The following RALGPS1 variants were observed in gnomAD, a reference collection of about 807,000 sequenced individuals.
RALGPS1 encodes ras-specific guanine nucleotide-releasing factor RalGPS1.
Under a neutral mutation model 78.8 loss-of-function variants are expected in RALGPS1, and 19 were observed. The observed-to-expected ratio is 0.24, with a 90% CI of 0.17 to 0.35. The LOEUF (loss-of-function observed/expected upper bound fraction) is 0.35. Among genes scored for constraint, RALGPS1 ranks in the 10% least tolerant of loss-of-function variants. The probability of loss-of-function intolerance (pLI) is 1.00; values close to 1 mark genes in which losing one functional copy is unlikely to be tolerated. For missense variants in RALGPS1, 454 were observed against 688.3 expected, an observed-to-expected ratio of 0.66 and a Z score of 3.81; for synonymous variants, 228 against 256.3, an observed-to-expected ratio of 0.89 and a Z score of 1.06.
intron 8 of RALGPS1, among the ~76,000 whole-genome samples, chr9:127,148,876 A>AACACGT (rs1212277245): frequency 6.6e-6 from 1 of 152,136 alleles, no homozygotes; most frequent in African/African-American, 2.4e-5. Context: ...GCGGAGGGAG[A>AACACGT]ACACGTTGGA....
intron 1 of RALGPS1, among the ~76,000 whole-genome samples, chr9:126,919,353 A>G (rs1056658245): frequency 3.9e-5 from 6 of 152,246 alleles, no homozygotes; most frequent in African/African-American, 9.6e-5. Flanking sequence ...GTCCTAGGAA[A>G]AAAAGTGGCC....
At position 127,049,856 on chromosome 9, in the gene RALGPS1, G is replaced by A. The variant is rs535713381; in HGVS notation, c.301-187G>A. On this transcript the variant is annotated intron_variant, in intron 5 of 18. Coordinates refer to ENST00000259351, the MANE Select transcript of RALGPS1 (RefSeq NM_014636.3). The stretch of plus-strand genomic sequence containing the variant: ...ACTGGAGACAGGGTGCTGAGAACAC[G>A]GCCCATTTGCAGGGTTGGGTGCTGT... Among the ~76,000 whole-genome samples the A allele has an allele frequency of 4.8e-4, 73 of 152,244 alleles. 1 individual carries two copies. The South Asian group carries it at 0.014, about 29-fold the overall frequency.
At chr9:126,976,571 A>T (rs1315128002) in intron 3 of RALGPS1, among the ~76,000 whole-genome samples, 2 of 152,094 alleles carry the variant, frequency 1.3e-5, no homozygotes, top group African/African-American at 4.8e-5. Context: ...CATTTTCTAG[A>T]TGTGGTACCT....
chr9:127,001,314 C>A (rs1219947321), intron 4 of RALGPS1, among the ~76,000 whole-genome samples: 1 of 151,284 alleles, frequency 6.6e-6, no homozygotes, highest in Non-Finnish European at 1.5e-5. Context: ...TAAGTTCACA[C>A]TATTTTTTGT....
intron 8 of RALGPS1, among the ~76,000 whole-genome samples, chr9:127,076,349 C>G (rs1371083189): frequency 6.6e-6 from 1 of 152,074 alleles, no homozygotes; most frequent in Non-Finnish European, 1.5e-5. Context: ...TAAAAGTAAC[C>G]ATAGCAGTGT....
chr9:127,196,470 C>G lies in RALGPS1; in HGVS notation c.1038-4C>G. 6.2e-7 allele frequency: 1 copy of G among 1,608,620 alleles called. No homozygotes were observed. The highest frequency in any genetic ancestry group is 8.5e-7 in the Non-Finnish European group (1 of 1,176,992). On this transcript the variant is annotated splice_polypyrimidine_tract_variant and splice_region_variant and intron_variant, in intron 12 of 18. Transcript: ENST00000259351. ...TGCCTTCTTTCTTCCTTTCCATTTT[C>G]CAGTATGATGTGTCAGTTGAGTGTA...
intron 1 of RALGPS1, among the ~76,000 whole-genome samples, chr9:126,943,613 C>T (rs139802629): frequency 5.0e-4 from 76 of 152,314 alleles, no homozygotes; most frequent in Admixed American, 1.4e-3. Context: ...GCAGTGCTCT[C>T]CGTGGAATGT....
chr9:127,066,548 C>T (rs2787589), intron 7 of RALGPS1, among the ~76,000 whole-genome samples: 1 of 151,898 alleles, frequency 6.6e-6, no homozygotes, highest in Admixed American at 6.6e-5. Flanking sequence ...GGCTGAGACA[C>T]GATAATTGCT....
rs1033910409 is a variant in RALGPS1, at chr9:127,122,640, C to T, written c.611-43429C>T. 1 of 152,780 alleles carries T rather than the reference C, an allele frequency of 6.5e-6. No individual in the cohort carries two copies. The highest frequency in any genetic ancestry group is 1.5e-5 in the Non-Finnish European group (1 of 68,498). The allele number at this position is 152,780 out of a possible 1,614,324, so 9.5% of individuals were successfully genotyped here. A position where few individuals can be genotyped will look rare whatever the true frequency, so the allele number is the denominator to read the frequency against. On this transcript the variant is annotated intron_variant, in intron 8 of 18. Coordinates refer to ENST00000259351, the MANE Select transcript of RALGPS1 (RefSeq NM_014636.3). The surrounding 1 kb of genome is among the most constrained non-coding windows in gnomAD (Gnocchi z 6.4). Reference sequence around the variant, plus strand: ...CGTCCGCAGCAGCCTCATTTGAACTCCCAACTCCTTTGTGGAGCCTTTACA... The same window carrying T: ...CGTCCGCAGCAGCCTCATTTGAACTTCCAACTCCTTTGTGGAGCCTTTACA...
intron 8 of RALGPS1, among the ~76,000 whole-genome samples, chr9:127,137,258 C>T (rs1182604035): frequency 6.6e-6 from 1 of 152,186 alleles, no homozygotes; most frequent in African/African-American, 2.4e-5. Context: ...TGTATCCTGT[C>T]CCTCCACCCT....
chr9:127,221,812 A>T lies in RALGPS1; in HGVS notation c.*3043A>T, dbSNP rs1237506168. ...AGCCCCAAGAGGTGTACCTTTTCAG[A>T]TGCCATTTTACAGGCGGAAATGCTC... On this transcript the variant is annotated 3_prime_UTR_variant, in exon 19 of 19. Transcript: ENST00000259351. The T allele has an allele frequency of 6.6e-6, 1 of 152,246 alleles. No homozygotes were observed. Among genetic ancestry groups the T allele is most frequent in the Non-Finnish European group, 1.5e-5 (1 of 68,012 alleles). The allele number at this position is 152,246 out of a possible 1,614,324, so 9.4% of individuals were successfully genotyped here.
chr9:127,181,295 C>G (rs1467113690), intron 11 of RALGPS1, among the ~76,000 whole-genome samples: 4 of 152,244 alleles, frequency 2.6e-5, no homozygotes, highest in African/African-American at 9.6e-5. Context: ...AGCCTGTACT[C>G]TCTGCCAAGC....
intron 8 of RALGPS1, among the ~76,000 whole-genome samples, chr9:127,161,030 C>T (rs1207715087): frequency 6.6e-6 from 1 of 152,248 alleles, no homozygotes; most frequent in African/African-American, 2.4e-5. Flanking sequence ...CCAAGGCAGC[C>T]AGGGCCAATG....
At chr9:127,133,675 A>T (rs537609532) in intron 8 of RALGPS1, among the ~76,000 whole-genome samples, 1 of 152,294 alleles carries the variant, frequency 6.6e-6, no homozygotes, top group African/African-American at 2.4e-5. Context: ...CCAACACCTC[A>T]AAATCCACCC....
At chr9:126,962,796 T>G (rs1022748825) in intron 2 of RALGPS1, among the ~76,000 whole-genome samples, 1 of 152,196 alleles carries the variant, frequency 6.6e-6, no homozygotes, top group African/African-American at 2.4e-5. Flanking sequence ...GCCCCTGCTG[T>G]GGGGTTTGAG....
At chr9:127,182,379 TCCCTCCCTC>T (rs2060307422) in intron 11 of RALGPS1, among the ~76,000 whole-genome samples, 5 of 30,694 alleles carry the variant, frequency 1.6e-4, no homozygotes, top group African/African-American at 4.8e-4. Context: ...CCTCCCTCCC[TCCCTCCCTC>T]CCTCCCTCCC....
rs766172574 is a variant in RALGPS1 at position 127,221,859 on chromosome 9, C to G, written c.*3090C>G. The G allele has an allele frequency of 1.3e-5, 2 of 152,192 alleles. No homozygotes were observed. Among genetic ancestry groups the G allele is most frequent in the Non-Finnish European group, 2.9e-5 (2 of 68,046 alleles). 9.4% of individuals were successfully genotyped at this position (152,192 alleles called of 1,614,324 possible). A position where few individuals can be genotyped will look rare whatever the true frequency, so the allele number is the denominator to read the frequency against. The stretch of plus-strand genomic sequence containing the variant: ...GCTCCATGAAACAGGAAGCCACTTG[C>G]AAGCAACATCTGCTCTGTTCCTCAG... On this transcript the variant is annotated 3_prime_UTR_variant, in exon 19 of 19. Transcript: ENST00000259351.
intron 8 of RALGPS1, among the ~76,000 whole-genome samples, chr9:127,154,849 G>A (rs1342221074): frequency 3.3e-5 from 5 of 152,180 alleles, no homozygotes; most frequent in Non-Finnish European, 5.9e-5. Context: ...TGGTGGCCTC[G>A]GACGTTTGGG....
chr9:127,108,147 C>G, intron 8 of RALGPS1: 1 of 1,614,132 alleles, frequency 6.2e-7, no homozygotes, highest in Non-Finnish European at 8.5e-7. Context: ...GCGCGATGAT[C>G]TCTGATTGGT....
Sources: allele counts gnomAD v4.1 joint callset (sites outside exome capture counted in the v4.1 genomes callset), GRCh38; gene constraint gnomAD v4.1.1; non-coding constraint Gnocchi (gnomAD v3.1); transcripts MANE v1.5; gene names NCBI Gene and HGNC (gene_info 2026-07-23, HGNC 2026-07-21).